RAB11FIP2: variants seen among roughly 807,000 people sequenced by gnomAD.
RAB11FIP2 encodes rab11 family-interacting protein 2.
RAB11FIP2 carries 16 observed loss-of-function variants against 40.9 expected under a neutral mutation model. The ratio of observed to expected loss-of-function variants is 0.39; its 90% confidence interval spans 0.26 to 0.59. The LOEUF (loss-of-function observed/expected upper bound fraction) is 0.59, where lower values mean the gene tolerates loss of function less well. Ranked by LOEUF, RAB11FIP2 falls within the 20% of genes least tolerant of loss-of-function variation. The pLI is 0.53. For synonymous variants in RAB11FIP2, 228 were observed against 213.7 expected (o/e 1.07, Z -0.58); for missense variants, 532 against 606.2 (o/e 0.88, Z 1.28).
chr10:118,046,271 G>A lies in RAB11FIP2; in HGVS notation c.-108C>T. 1.0e-6 allele frequency: 1 copy of A among 988,916 alleles called. No individual in the cohort carries two copies. The highest frequency in any genetic ancestry group is 1.5e-6 in the Non-Finnish European group (1 of 656,560). 61.3% of individuals were successfully genotyped at this position (988,916 alleles called of 1,614,324 possible). On this transcript the variant is annotated 5_prime_UTR_variant, in exon 1 of 5. Coordinates refer to ENST00000355624, the MANE Select transcript of RAB11FIP2 (RefSeq NM_014904.3). The stretch of plus-strand genomic sequence containing the variant: ...ATCCTAAGGACACTTAACGGAAACA[G>A]GCAGGCTCAGGGCTCCCCGACTTCC...
intron 3 of RAB11FIP2, among the ~76,000 whole-genome samples, chr10:118,024,547 G>A (rs1191758328): frequency 1.3e-5 from 2 of 150,590 alleles, no homozygotes; most frequent in South Asian, 4.2e-4. Context: ...GCAAAACAGT[G>A]GGCAGGAGTG....
chr10:118,028,646 G>A (rs1430464919), intron 3 of RAB11FIP2, among the ~76,000 whole-genome samples: 2 of 152,220 alleles, frequency 1.3e-5, no homozygotes, highest in South Asian at 2.1e-4. Context: ...AACTGGAAAT[G>A]TTCTAAACAT....
chr10:118,036,841 G>C (rs1210723951), intron 3 of RAB11FIP2, among the ~76,000 whole-genome samples: 1 of 151,782 alleles, frequency 6.6e-6, no homozygotes, highest in Non-Finnish European at 1.5e-5. Flanking sequence ...TAATAATAAA[G>C]TAACTGAAAA....
Position 118,007,187 on chromosome 10 carries a change from C to T in RAB11FIP2, c.*1811G>A, listed in dbSNP as rs1846100042. On this transcript the variant is annotated 3_prime_UTR_variant, in exon 5 of 5. Transcript: ENST00000355624. ...TGTTTAAAAAAAAAAAAAAAACTAC[C>T]AAGACCTCAAACGGGAAAATACCAT... The T allele has an allele frequency of 6.7e-6, 1 of 149,376 alleles. No homozygotes were observed. Among genetic ancestry groups the T allele is most frequent in the Non-Finnish European group, 1.5e-5 (1 of 67,246 alleles). 9.3% of individuals were successfully genotyped at this position (149,376 alleles called of 1,614,324 possible). A position where few individuals can be genotyped will look rare whatever the true frequency, so the allele number is the denominator to read the frequency against.
chr10:118,036,668 A>C (rs1846484778), intron 3 of RAB11FIP2, among the ~76,000 whole-genome samples: 1 of 152,200 alleles, frequency 6.6e-6, no homozygotes, highest in African/African-American at 2.4e-5. Flanking sequence ...TGATGCAAAA[A>C]GAATAACTTC....
At chr10:118,029,720 G>T (rs1027963441) in intron 3 of RAB11FIP2, among the ~76,000 whole-genome samples, 5 of 152,018 alleles carry the variant, frequency 3.3e-5, no homozygotes, top group Non-Finnish European at 7.4e-5. Context: ...GAATGAATCA[G>T]GAGCCTCGCA....
chr10:118,010,244 T>C (rs747715210), intron 4 of RAB11FIP2, among the ~76,000 whole-genome samples: 18 of 152,186 alleles, frequency 1.2e-4, no homozygotes, highest in East Asian at 1.9e-4. Flanking sequence ...TTTTAAATCA[T>C]AGTTCTCTCA....
intron 3 of RAB11FIP2, among the ~76,000 whole-genome samples, chr10:118,025,759 AT>A (rs1366735157): frequency 6.6e-6 from 1 of 152,058 alleles, no homozygotes; most frequent in Non-Finnish European, 1.5e-5. Context: ...TCACACATTC[AT>A]TTTTACCTCT....
chr10:118,030,092 G>A (rs555354926), intron 3 of RAB11FIP2, among the ~76,000 whole-genome samples: 25 of 152,206 alleles, frequency 1.6e-4, no homozygotes, highest in African/African-American at 5.5e-4. Context: ...GAAAATAAAT[G>A]TTTAAGACAA....
intron 4 of RAB11FIP2, among the ~76,000 whole-genome samples, chr10:118,013,843 G>C (rs1846183585): frequency 6.6e-6 from 1 of 152,048 alleles, no homozygotes; most frequent in Non-Finnish European, 1.5e-5. Flanking sequence ...ACATTTACAA[G>C]CAATCGAAAT....
At chr10:118,042,399 G>GT (rs1846571904) in intron 1 of RAB11FIP2, among the ~76,000 whole-genome samples, 1 of 152,098 alleles carries the variant, frequency 6.6e-6, no homozygotes, top group Admixed American at 6.6e-5. Flanking sequence ...GGAATGATAT[G>GT]TAACTTCCCA....
intron 1 of RAB11FIP2, among the ~76,000 whole-genome samples, chr10:118,042,710 GTGTA>G (rs1846576559): frequency 6.6e-6 from 1 of 152,128 alleles, no homozygotes; most frequent in South Asian, 2.1e-4. Flanking sequence ...GTGTGTGTGT[GTGTA>G]TGTGTTTACA....
chr10:118,009,007 A>G lies in RAB11FIP2; in HGVS notation c.1530T>C (p.Ser510=). 1 of 1,606,428 alleles carries G rather than the reference A, an allele frequency of 6.2e-7. No homozygotes were observed. Among genetic ancestry groups the G allele is most frequent in the Non-Finnish European group, 8.5e-7 (1 of 1,173,222 alleles). ...AATACAATTGGCTTTATTAACTGTT[A>G]GAGAATTTGCCAGCTTTCCTGGATG... The part of the protein sequence containing the change: ...YEPSRKAGKF[S]NS The change falls in exon 5 of 5, where the codon TCT becomes TCC. Residue 510 remains serine (S), a synonymous_variant. Coordinates refer to ENST00000355624, the MANE Select transcript of RAB11FIP2 (RefSeq NM_014904.3).
At chr10:118,024,069 AAC>A (rs1414183017) in intron 3 of RAB11FIP2, among the ~76,000 whole-genome samples, 1 of 151,080 alleles carries the variant, frequency 6.6e-6, no homozygotes, top group Non-Finnish European at 1.5e-5. Context: ...CAGCCTGGGC[AAC>A]AGAGTGAGAC....
chr10:118,040,942 C>A (rs1354507167), intron 1 of RAB11FIP2, among the ~76,000 whole-genome samples: 1 of 151,848 alleles, frequency 6.6e-6, no homozygotes, highest in Non-Finnish European at 1.5e-5. Flanking sequence ...CATTAAAAGA[C>A]ATTGAGGCAG....
At chr10:118,023,317 G>A (rs1846303599) in intron 3 of RAB11FIP2, among the ~76,000 whole-genome samples, 5 of 152,072 alleles carry the variant, frequency 3.3e-5, no homozygotes, top group Admixed American at 3.3e-4. Context: ...GATTTCATTG[G>A]AATCTTTAGC....
chr10:118,020,774 T>C (rs1310639978), intron 3 of RAB11FIP2, among the ~76,000 whole-genome samples: 2 of 152,240 alleles, frequency 1.3e-5, no homozygotes, highest in African/African-American at 2.4e-5. Flanking sequence ...GTTTTGAGTG[T>C]GTCATTTGTT....
At chr10:118,039,531 T>C (rs1846527141) in intron 2 of RAB11FIP2, 91 bp from the exon 3 acceptor site, 1 of 1,096,726 alleles carries the variant, frequency 9.1e-7, no homozygotes, top group East Asian at 2.4e-5. Flanking sequence ...GCTTTTAGAA[T>C]GAGAGCAATT....
intron 3 of RAB11FIP2, among the ~76,000 whole-genome samples, chr10:118,022,284 C>T (rs1211236898): frequency 6.6e-6 from 1 of 152,192 alleles, no homozygotes; most frequent in Non-Finnish European, 1.5e-5. Flanking sequence ...CTTCTGCTGA[C>T]ACTACTGCAA....
Sources: allele counts gnomAD v4.1 joint callset (sites outside exome capture counted in the v4.1 genomes callset), GRCh38; gene constraint gnomAD v4.1.1; transcripts MANE v1.5; gene names NCBI Gene and HGNC (gene_info 2026-07-23, HGNC 2026-07-21).